BICDL1: variants seen among roughly 807,000 people sequenced by gnomAD.
BICDL1 encodes BICD family-like cargo adapter 1.
In BICDL1, 20 loss-of-function variants were observed where a neutral mutation model predicts 76.8. That is an observed-to-expected ratio of 0.26 (90% CI 0.18 to 0.38). The LOEUF (loss-of-function observed/expected upper bound fraction) is 0.38, where lower values mean the gene tolerates loss of function less well. BICDL1 is among the 10% of genes least tolerant of loss of function. The pLI is 1.00. For synonymous variants in BICDL1, 383 were observed against 337.1 expected, an observed-to-expected ratio of 1.14 and a Z score of -1.49; for missense variants, 700 against 798.6, an observed-to-expected ratio of 0.88 and a Z score of 1.49.
chr12:120,049,187 T>G (rs2138843839), intron 2 of BICDL1, among the ~76,000 whole-genome samples: 1 of 152,306 alleles, frequency 6.6e-6, no homozygotes, highest in Middle Eastern at 3.4e-3. Context: ...ACAGAAAGCT[T>G]CTGGGAAGAG....
chr12:120,082,270 G>T lies in BICDL1; in HGVS notation c.1583+1253G>T, dbSNP rs577989583. Among the ~76,000 whole-genome samples, 9 of 146,502 alleles carry T rather than the reference G, an allele frequency of 6.1e-5. No individual in the cohort carries two copies. The East Asian group carries it at 1.6e-3, about 25-fold the overall frequency. Reference sequence around the variant, plus strand: ...TCCAATAAACTAGGTCTTTTTTTTTGAAGACAGAGTCTCACTCTGTCACCC... The same window carrying T: ...TCCAATAAACTAGGTCTTTTTTTTTTAAGACAGAGTCTCACTCTGTCACCC... On this transcript the variant is annotated intron_variant, in intron 8 of 9. Transcript: ENST00000548673.
At position 120,031,490 on chromosome 12, in the gene BICDL1, A is replaced by G. The variant is rs553742939; in HGVS notation, c.646-30220A>G. 8.5e-5 allele frequency among the ~76,000 whole-genome samples: 13 copies of G among 152,118 alleles called. 1 individual carries two copies. The highest frequency in any genetic ancestry group is 7.2e-4 in the Admixed American group (11 of 15,268). On this transcript the variant is annotated intron_variant, in intron 2 of 9. Coordinates refer to ENST00000548673, the MANE Select transcript of BICDL1 (RefSeq NM_001367886.1). ...AAGTGCTGAGATTACAGGCTACTTT[A>G]TTATTTTTTATCACACATCTATCCA...
At chr12:120,047,388 C>T (rs1952769474) in intron 2 of BICDL1, among the ~76,000 whole-genome samples, 1 of 152,146 alleles carries the variant, frequency 6.6e-6, no homozygotes, top group Non-Finnish European at 1.5e-5. Flanking sequence ...CTAACAAGTT[C>T]TGTGATCCTG....
intron 2 of BICDL1, among the ~76,000 whole-genome samples, chr12:120,018,208 A>G (rs1378642072): frequency 2.6e-5 from 4 of 152,200 alleles, no homozygotes; most frequent in African/African-American, 4.8e-5. Flanking sequence ...TGATCTGGGC[A>G]TCTAGATTTT....
intron 8 of BICDL1, among the ~76,000 whole-genome samples, chr12:120,085,995 C>CT (rs1278635479): frequency 7.8e-6 from 1 of 128,508 alleles, no homozygotes; most frequent in Admixed American, 7.2e-5. Context: ...GTCTTTCTCC[C>CT]TTTAAAAAAA....
intron 2 of BICDL1, among the ~76,000 whole-genome samples, chr12:120,035,543 A>G (rs552576760): frequency 1.4e-4 from 22 of 152,286 alleles, no homozygotes; most frequent in Middle Eastern, 6.8e-3. Flanking sequence ...CTGAACTGGG[A>G]TTCACATCAA....
chr12:120,043,572 A>T (rs1213765877), intron 2 of BICDL1, among the ~76,000 whole-genome samples: 1 of 152,252 alleles, frequency 6.6e-6, no homozygotes, highest in Non-Finnish European at 1.5e-5. Context: ...TCAAAGGCTA[A>T]GTAAATCTAC....
At chr12:120,077,230 G>A (rs1311398846) in intron 7 of BICDL1, among the ~76,000 whole-genome samples, 5 of 152,234 alleles carry the variant, frequency 3.3e-5, no homozygotes, top group Middle Eastern at 3.2e-3. Context: ...TAATTTGACC[G>A]GTAATTATTT....
chr12:120,002,340 T>C (rs1011401356), intron 2 of BICDL1, among the ~76,000 whole-genome samples: 6 of 152,194 alleles, frequency 3.9e-5, no homozygotes, highest in Non-Finnish European at 7.3e-5. Context: ...ATTCAACCCA[T>C]AAGAAACGTG....
At chr12:120,083,878 C>T (rs1874192247) in intron 8 of BICDL1, among the ~76,000 whole-genome samples, 1 of 152,062 alleles carries the variant, frequency 6.6e-6, no homozygotes, top group Non-Finnish European at 1.5e-5. Context: ...GTCTCAAACT[C>T]CTGACCTCAA....
intron 2 of BICDL1, among the ~76,000 whole-genome samples, chr12:120,033,674 A>C (rs1190164839): frequency 6.6e-6 from 1 of 152,150 alleles, no homozygotes. Flanking sequence ...GGCATGAGCC[A>C]CTGCGGCCGG....
Position 120,065,129 on chromosome 12 carries a change from A to G in BICDL1, c.909+250A>G, listed in dbSNP as rs568641788. Among the ~76,000 whole-genome samples, 4 of 152,334 alleles carry G rather than the reference A, an allele frequency of 2.6e-5. No homozygotes were observed. The East Asian group carries it at 5.8e-4, about 22-fold the overall frequency. On this transcript the variant is annotated intron_variant, in intron 4 of 9. Coordinates refer to ENST00000548673, the MANE Select transcript of BICDL1 (RefSeq NM_001367886.1). ...CCACTGGCCCACGGAGCAGTTTCAC[A>G]GAGTTCTCTCTGGGTTCTTAACATG...
intron 2 of BICDL1, among the ~76,000 whole-genome samples, chr12:120,035,228 C>T (rs12298921): frequency 1.3e-5 from 2 of 152,140 alleles, no homozygotes; most frequent in South Asian, 2.1e-4. Context: ...TCCAGCTACT[C>T]GGGAGGCTGA....
intron 2 of BICDL1, among the ~76,000 whole-genome samples, chr12:120,055,231 ATTAG>A (rs1952949366): frequency 6.6e-6 from 1 of 152,226 alleles, no homozygotes; most frequent in South Asian, 2.1e-4. Flanking sequence ...TTCTAAGTTT[ATTAG>A]TTCATTTGTT....
At chr12:120,091,057 C>T (rs1195416280) in intron 9 of BICDL1, 26 of 1,288,376 alleles carry the variant, frequency 2.0e-5, no homozygotes, top group Non-Finnish European at 2.4e-5. Context: ...CCGTCTCGCC[C>T]TGCCATTGCT....
chr12:120,080,607 G>A lies in BICDL1; in HGVS notation c.1453-280G>A, dbSNP rs140251001. The A allele has an allele frequency of 7.8e-5, 23 of 295,002 alleles. 1 individual carries two copies. Among genetic ancestry groups the A allele is most frequent in the African/African-American group, 2.8e-4 (13 of 47,200 alleles). 18.3% of individuals were successfully genotyped at this position (295,002 alleles called of 1,614,324 possible). A position where few individuals can be genotyped will look rare whatever the true frequency, so the allele number is the denominator to read the frequency against. Reference sequence around the variant, plus strand: ...CTGGAGATGGAGGAGGTAGTATGCCGTGCTGAGTGCAAAGGGAAGATCTGG... The same window carrying A: ...CTGGAGATGGAGGAGGTAGTATGCCATGCTGAGTGCAAAGGGAAGATCTGG... On this transcript the variant is annotated intron_variant, in intron 7 of 9. Transcript: ENST00000548673.
intron 2 of BICDL1, among the ~76,000 whole-genome samples, chr12:120,046,489 A>C (rs996905153): frequency 6.6e-6 from 1 of 152,234 alleles, no homozygotes; most frequent in Non-Finnish European, 1.5e-5. Flanking sequence ...TATTTATTTC[A>C]GTCATACAAC....
At chr12:120,073,610 C>T (rs910366009) in intron 6 of BICDL1, among the ~76,000 whole-genome samples, 3 of 152,200 alleles carry the variant, frequency 2.0e-5, no homozygotes, top group Admixed American at 2.0e-4. Context: ...ACACATTTCT[C>T]CCCGACTTAC....
chr12:120,075,928 G>A, intron 7 of BICDL1, among the ~76,000 whole-genome samples: 1 of 152,220 alleles, frequency 6.6e-6, no homozygotes, highest in East Asian at 1.9e-4. Context: ...GGAGGCCAAG[G>A]CAGGTGGATC....
Sources: gnomAD v4.1 joint callset for allele counts (sites outside exome capture counted in the v4.1 genomes callset) on GRCh38, gnomAD v4.1.1 for gene constraint, MANE v1.5 for transcripts, NCBI Gene and HGNC (gene_info 2026-07-23, HGNC 2026-07-21) for gene names.